NEBL: variants seen among roughly 807,000 people sequenced by gnomAD.
The protein encoded by NEBL is LIM and SH3 protein 2.
A neutral mutation model predicts 140.2 loss-of-function variants in NEBL; 122 were observed. The observed-to-expected ratio is 0.87, with a 90% confidence interval of 0.75 to 1.01. The LOEUF (loss-of-function observed/expected upper bound fraction) is 1.01, where lower values mean the gene tolerates loss of function less well. NEBL is among the 50% of genes least tolerant of loss of function. NEBL has a pLI of 0.00. For synonymous variants in NEBL, 436 were observed against 398.9 expected, an observed-to-expected ratio of 1.09 and a Z score of -1.11; for missense variants, 1,365 against 1,231.3, an observed-to-expected ratio of 1.11 and a Z score of -1.62.
At position 20,970,590 on chromosome 10, in the gene NEBL, A is replaced by T. The variant is rs532937263; in HGVS notation, c.250-8811T>A. Reference sequence around the variant, plus strand: ...CTTGAGCCTGTGAGGTGAAGGCTGCAGTGAGCTGTGATCATGCCACTGCAC... The same window carrying T: ...CTTGAGCCTGTGAGGTGAAGGCTGCTGTGAGCTGTGATCATGCCACTGCAC... On this transcript the variant is annotated intron_variant, in intron 3 of 6. Coordinates refer to the NEBL transcript ENST00000417816. Among the ~76,000 whole-genome samples, 3 of 152,260 alleles carry T rather than the reference A, an allele frequency of 2.0e-5. No homozygotes were observed. The East Asian group carries it at 5.8e-4, about 29-fold the overall frequency.
At chr10:21,150,334 A>G (rs1840090492) in intron 2 of NEBL, among the ~76,000 whole-genome samples, 1 of 152,228 alleles carries the variant, frequency 6.6e-6, no homozygotes, top group South Asian at 2.1e-4. Context: ...AGCTGCTACC[A>G]TAAAATTTAA....
rs767116304 is a variant in NEBL at position 20,831,301 on chromosome 10, T to C, written c.1566A>G (p.Gln522=). ...KKASEMASQK[Q]YKKDLENEIK... The stretch of plus-strand genomic sequence containing the variant: ...TTTCATTTTCTAAGTCCTTCTTGTA[T>C]TGTTTCTAAAAGAACAGAAAATAAT... Residue 522 remains glutamine, a synonymous_variant, in exon 16 of 28, where the codon CAA becomes CAG. Transcript: ENST00000377122. The C allele has an allele frequency of 3.1e-6, 5 of 1,604,644 alleles. No individual in the cohort carries two copies. The highest frequency in any genetic ancestry group is 3.3e-5 in the Admixed American group (2 of 59,914).
intron 3 of NEBL, among the ~76,000 whole-genome samples, chr10:21,202,481 T>TTTA (rs1841754771): frequency 6.8e-6 from 1 of 146,914 alleles, no homozygotes; most frequent in African/African-American, 2.6e-5. Flanking sequence ...TTTTTTTTTT[T>TTTA]GAAACAGAGT....
chr10:21,268,658 A>G (rs1417815837), intron 1 of NEBL, among the ~76,000 whole-genome samples: 2 of 151,574 alleles, frequency 1.3e-5, no homozygotes, highest in Admixed American at 6.6e-5. Context: ...CAAGTAGCTG[A>G]GATTACAGAC....
intron 2 of NEBL, among the ~76,000 whole-genome samples, chr10:21,124,727 A>T (rs1838736754): frequency 1.3e-5 from 2 of 152,202 alleles, no homozygotes; most frequent in Non-Finnish European, 2.9e-5. Flanking sequence ...CTGAGGTGGG[A>T]GGATTGCTTG....
intron 4 of NEBL, among the ~76,000 whole-genome samples, chr10:20,939,310 C>G (rs1251855763): frequency 6.6e-6 from 1 of 152,124 alleles, no homozygotes; most frequent in Non-Finnish European, 1.5e-5. Context: ...ATTTTCAACC[C>G]AGAATTTCAT....
chr10:21,070,894 G>A (rs559605628), intron 2 of NEBL, among the ~76,000 whole-genome samples: 1 of 152,086 alleles, frequency 6.6e-6, no homozygotes, highest in African/African-American at 2.4e-5. Context: ...AATGATTTAG[G>A]CCAAGATGGC....
chr10:20,998,728 C>T (rs1176939098), intron 3 of NEBL, among the ~76,000 whole-genome samples: 1 of 152,192 alleles, frequency 6.6e-6, no homozygotes, highest in Non-Finnish European at 1.5e-5. Flanking sequence ...AAAAATCCAA[C>T]TGGCATTGCT....
Position 21,291,852 on chromosome 10 carries a change from G to T in NEBL, n.182+978C>A, listed in dbSNP as rs538719046. On this transcript the variant is annotated intron_variant and non_coding_transcript_variant, in intron 1 of 8. Transcript: ENST00000675702. ...ACCCGGGAGGCAGAGGTTGCAGTGAGCTGAGATCACGCCACTGCACTCCAG... is the reference window on the plus strand; with the variant it reads ...ACCCGGGAGGCAGAGGTTGCAGTGATCTGAGATCACGCCACTGCACTCCAG... 2.0e-5 allele frequency among the ~76,000 whole-genome samples: 3 copies of T among 152,310 alleles called. No individual in the cohort carries two copies. In the South Asian group the frequency reaches 6.2e-4, roughly 32 times the overall value.
At chr10:20,817,479 T>C (rs1336771558) in intron 21 of NEBL, 121 bp downstream of exon 21, 1 of 868,064 alleles carries the variant, frequency 1.2e-6, no homozygotes, top group African/African-American at 1.7e-5. Context: ...AATAAGTTGT[T>C]AGTCAAATGA....
intron 12 of NEBL, 75 bp downstream of exon 12, chr10:20,845,183 G>C: frequency 1.1e-6 from 1 of 919,256 alleles, no homozygotes; most frequent in Non-Finnish European, 1.8e-6. Flanking sequence ...AATTAGTAGA[G>C]AATTAGGTAA....
intron 2 of NEBL, among the ~76,000 whole-genome samples, chr10:21,082,462 A>G (rs1367741755): frequency 6.7e-6 from 1 of 150,128 alleles, no homozygotes; most frequent in East Asian, 2.0e-4. Context: ...CTTTCAAGTG[A>G]TTTCAGGAAT....
At chr10:20,851,460 T>C (rs1419742608) in intron 10 of NEBL, among the ~76,000 whole-genome samples, 3 of 151,976 alleles carry the variant, frequency 2.0e-5, no homozygotes, top group Non-Finnish European at 2.9e-5. Flanking sequence ...GGAAGTATAA[T>C]AACACACAAC....
intron 1 of NEBL, among the ~76,000 whole-genome samples, chr10:21,292,034 T>C (rs1225151946): frequency 6.6e-6 from 1 of 152,218 alleles, no homozygotes; most frequent in African/African-American, 2.4e-5. Flanking sequence ...ATAAACACAG[T>C]CCAGCTATAT....
rs1835222382 is a variant in NEBL at position 20,784,281 on chromosome 10, C to A, written c.*1466G>T. ...GCACAATCAGAAAAACACAGGGTTG[C>A]CGACGGGTGCCGCTGGCTTGGTGAC... On this transcript the variant is annotated 3_prime_UTR_variant, in exon 28 of 28. Coordinates refer to ENST00000377122, the MANE Select transcript of NEBL (RefSeq NM_006393.3). 6.6e-6 allele frequency: 1 copy of A among 152,100 alleles called. No homozygotes were observed. Among genetic ancestry groups the A allele is most frequent in the Middle Eastern group, 3.2e-3 (1 of 316 alleles). The allele number at this position is 152,100 out of a possible 1,614,324, so 9.4% of individuals were successfully genotyped here. A position where few individuals can be genotyped will look rare whatever the true frequency, so the allele number is the denominator to read the frequency against.
chr10:21,240,371 C>G (rs1842423463), intron 3 of NEBL, among the ~76,000 whole-genome samples: 1 of 152,164 alleles, frequency 6.6e-6, no homozygotes, highest in Non-Finnish European at 1.5e-5. Flanking sequence ...TGACCGGGAG[C>G]AGTGGCTCAC....
chr10:21,054,743 A>G (rs552367980), intron 2 of NEBL, among the ~76,000 whole-genome samples: 2 of 152,314 alleles, frequency 1.3e-5, no homozygotes, highest in East Asian at 3.9e-4. Context: ...ATGTCATTCA[A>G]ATAAATTTTT....
intron 2 of NEBL, among the ~76,000 whole-genome samples, chr10:21,141,081 C>A (rs572940240): frequency 7.7e-4 from 113 of 147,380 alleles, no homozygotes; most frequent in African/African-American, 2.4e-3. Context: ...AAAACCTGCT[C>A]TATGCTCTTC....
chr10:20,846,238 G>T (rs545494025), intron 11 of NEBL, among the ~76,000 whole-genome samples: 2 of 152,126 alleles, frequency 1.3e-5, no homozygotes, highest in South Asian at 4.2e-4. Context: ...CTAAACAAGG[G>T]CCCAGATTTT....
Sources: gnomAD v4.1 joint callset for allele counts (sites outside exome capture counted in the v4.1 genomes callset) on GRCh38, gnomAD v4.1.1 for gene constraint, MANE v1.5 for transcripts, NCBI Gene and HGNC (gene_info 2026-07-23, HGNC 2026-07-21) for gene names.